Variants in CCDC7 observed in about 807,000 individuals in gnomAD.
CCDC7 encodes the protein coiled-coil domain containing 7.
In CCDC7, 183 loss-of-function variants were observed where a neutral mutation model predicts 196.9. That is an observed-to-expected ratio of 0.93 (90% confidence interval 0.82 to 1.05). The LOEUF (loss-of-function observed/expected upper bound fraction) is 1.05, where lower values mean the gene tolerates loss of function less well. CCDC7 is among the 50% of genes least tolerant of loss of function. CCDC7 has a pLI of 0.00. For missense variants in CCDC7, 1,540 were observed against 1,482.2 expected (o/e 1.04, Z -0.64); for synonymous variants, 525 against 484.6 (o/e 1.08, Z -1.10).
chr10:32,707,276 C>G (rs774773823), intron 24 of CCDC7, among the ~76,000 whole-genome samples: 10 of 152,196 alleles, frequency 6.6e-5, no homozygotes, highest in Admixed American at 4.6e-4. Context: ...AACAGTTGTT[C>G]ATGCTAAAGA....
intron 32 of CCDC7, among the ~76,000 whole-genome samples, chr10:32,827,050 GC>G (rs2091233987): frequency 6.6e-6 from 1 of 152,212 alleles, no homozygotes; most frequent in South Asian, 2.1e-4. Context: ...CCATGTGAGT[GC>G]TCACCAATGG....
chr10:32,468,024 C>T (rs2037202343), intron 5 of CCDC7, among the ~76,000 whole-genome samples: 1 of 152,086 alleles, frequency 6.6e-6, no homozygotes, highest in Non-Finnish European at 1.5e-5. Flanking sequence ...AGTGTGATGC[C>T]TCCAGATTTG....
chr10:32,705,357 C>G (rs1057438999), intron 24 of CCDC7, among the ~76,000 whole-genome samples: 2 of 152,070 alleles, frequency 1.3e-5, no homozygotes, highest in Non-Finnish European at 2.9e-5. Context: ...CCATCCACTG[C>G]AAAAACATGC....
chr10:32,847,561 A>G (rs1434426506), intron 37 of CCDC7, among the ~76,000 whole-genome samples: 1 of 152,084 alleles, frequency 6.6e-6, no homozygotes, highest in African/African-American at 2.4e-5. Context: ...CAAAAAATAC[A>G]AAAATTAGCC....
intron 18 of CCDC7, among the ~76,000 whole-genome samples, chr10:32,603,847 A>G (rs1203810499): frequency 2.0e-5 from 3 of 151,764 alleles, no homozygotes; most frequent in South Asian, 4.1e-4. Context: ...TATATTTTGG[A>G]TATTAGTTTC....
intron 18 of CCDC7, among the ~76,000 whole-genome samples, chr10:32,599,175 G>A (rs527259068): frequency 4.9e-4 from 75 of 152,190 alleles, no homozygotes; most frequent in Middle Eastern, 3.4e-3. Flanking sequence ...CGTCTTTGTT[G>A]TAACATTTCT....
intron 11 of CCDC7, among the ~76,000 whole-genome samples, chr10:32,519,838 T>C (rs1290283608): frequency 6.6e-6 from 1 of 152,008 alleles, no homozygotes; most frequent in African/African-American, 2.4e-5. Context: ...TCCAACTACA[T>C]TTTTTGTACC....
intron 9 of CCDC7, among the ~76,000 whole-genome samples, chr10:32,500,568 C>T (rs1288548902): frequency 5.3e-5 from 8 of 150,482 alleles, no homozygotes; most frequent in Non-Finnish European, 1.0e-4. Flanking sequence ...CCAGACTGGG[C>T]GGCCGGGCAG....
chr10:32,598,731 C>T (rs1395354618), intron 18 of CCDC7, among the ~76,000 whole-genome samples: 1 of 152,130 alleles, frequency 6.6e-6, no homozygotes, highest in Non-Finnish European at 1.5e-5. Flanking sequence ...TTTAAATTTT[C>T]CATCTCTAAT....
intron 24 of CCDC7, among the ~76,000 whole-genome samples, chr10:32,708,197 A>T (rs1259717190): frequency 2.0e-5 from 3 of 152,222 alleles, no homozygotes; most frequent in African/African-American, 7.2e-5. Context: ...TCTTTGACAA[A>T]CCTGACAAAA....
rs897706462 is a variant in CCDC7 at position 32,695,541 on chromosome 10, C to T, written c.2458+549C>T. 7.9e-5 allele frequency among the ~76,000 whole-genome samples: 12 copies of T among 152,140 alleles called. No individual in the cohort carries two copies. The East Asian group carries it at 2.3e-3, about 29-fold the overall frequency. On this transcript the variant is annotated intron_variant, in intron 24 of 41. Coordinates refer to ENST00000639629, the Ensembl canonical transcript of CCDC7. The stretch of plus-strand genomic sequence containing the variant: ...GATGCCCGTTAAGGGAATTTGAGAG[C>T]TCTAGTCTGGGCTTTCCTTTTACTT...
intron 3 of CCDC7, among the ~76,000 whole-genome samples, chr10:32,460,734 T>C (rs1355012802): frequency 6.6e-6 from 1 of 152,236 alleles, no homozygotes. Context: ...AGATTTATGC[T>C]TTCTTATTTA....
chr10:32,667,337 G>A (rs1485822249), intron 21 of CCDC7, among the ~76,000 whole-genome samples: 1 of 152,056 alleles, frequency 6.6e-6, no homozygotes, highest in Non-Finnish European at 1.5e-5. Context: ...CACTCTGATG[G>A]TAGTTTCTTT....
At chr10:32,702,537 C>T (rs999111943) in intron 24 of CCDC7, among the ~76,000 whole-genome samples, 20 of 152,194 alleles carry the variant, frequency 1.3e-4, no homozygotes, top group Admixed American at 3.9e-4. Context: ...CTATTAGGTC[C>T]GCTTGGTGCA....
chr10:32,597,504 A>T (rs1397252391), intron 18 of CCDC7, among the ~76,000 whole-genome samples: 1 of 152,134 alleles, frequency 6.6e-6, no homozygotes, highest in Non-Finnish European at 1.5e-5. Context: ...ATTACTGATC[A>T]TCTGAAGTCT....
At chr10:32,702,229 T>G (rs2078879740) in intron 24 of CCDC7, among the ~76,000 whole-genome samples, 1 of 152,238 alleles carries the variant, frequency 6.6e-6, no homozygotes, top group African/African-American at 2.4e-5. Context: ...GCCTTTGTTC[T>G]CGTTGGTTTC....
At chr10:32,510,507 T>C (rs1260925536) in intron 9 of CCDC7, among the ~76,000 whole-genome samples, 1 of 152,186 alleles carries the variant, frequency 6.6e-6, no homozygotes. Context: ...GACGGAAACA[T>C]TTGGAAATGA....
chr10:32,528,293 C>G (rs1333181793), intron 11 of CCDC7, among the ~76,000 whole-genome samples: 5 of 151,090 alleles, frequency 3.3e-5, no homozygotes, highest in Admixed American at 6.6e-5. Context: ...TTTTGGGGAA[C>G]AGGTTTTTGG....
At chr10:32,446,727 C>G (rs1053865244), upstream of CCDC7, 1 of 152,128 alleles carries the variant, frequency 6.6e-6, no homozygotes, top group Non-Finnish European at 1.5e-5. Flanking sequence ...ACATCCACTT[C>G]CTAGCATTGT....
Sources: allele counts gnomAD v4.1 joint callset (sites outside exome capture counted in the v4.1 genomes callset), GRCh38; gene constraint gnomAD v4.1.1; transcripts MANE v1.5; gene names NCBI Gene and HGNC (gene_info 2026-07-23, HGNC 2026-07-21).